VAV3: variants seen among roughly 807,000 people sequenced by gnomAD.
VAV3 encodes guanine nucleotide exchange factor VAV3.
A neutral mutation model predicts 131.2 loss-of-function variants in VAV3; 94 were observed. That is an observed-to-expected ratio of 0.72 (90% confidence interval 0.61 to 0.85). The LOEUF is 0.85. Ranked by LOEUF, VAV3 falls within the 40% of genes least tolerant of loss-of-function variation. VAV3 has a pLI of 0.00. For synonymous variants in VAV3, 349 were observed against 342.0 expected, an observed-to-expected ratio of 1.02 and a Z score of -0.22; for missense variants, 939 against 1,002.7, an observed-to-expected ratio of 0.94 and a Z score of 0.86.
intron 1 of VAV3, among the ~76,000 whole-genome samples, chr1:107,940,994 T>A (rs1223334873): frequency 3.8e-5 from 1 of 26,046 alleles, no homozygotes; most frequent in African/African-American, 6.5e-5. Context: ...TTAGCACAAT[T>A]GAAAAAAAAA....
intron 19 of VAV3, among the ~76,000 whole-genome samples, chr1:107,645,865 C>A (rs1311082957): frequency 2.0e-5 from 3 of 151,922 alleles, no homozygotes; most frequent in Non-Finnish European, 4.4e-5. Flanking sequence ...AGGTTTTTAA[C>A]CTCTGTTTAA....
In VAV3 at chr1:107,576,526, C is replaced by CA. The variant is rs941132680; in HGVS notation, c.2351-2329dup. 10 of 1,405,842 alleles carry CA rather than the reference C, an allele frequency of 7.1e-6. No individual in the cohort carries two copies. In the Admixed American group the frequency reaches 2.8e-4, roughly 39 times the overall value. The allele number at this position is 1,405,842 out of a possible 1,614,324, so 87.1% of individuals were successfully genotyped here. ...AAGCAAAAGAGCATTTAGGTATTGG[C>CA]AAAAATATCTCAACACAACCATTTT... On this transcript the variant is annotated intron_variant, in intron 25 of 26. Transcript: ENST00000370056.
chr1:107,768,328 C>A (rs951530497), intron 7 of VAV3, 113 bp downstream of exon 7: 15 of 721,310 alleles, frequency 2.1e-5, no homozygotes, highest in Non-Finnish European at 3.0e-5. Flanking sequence ...ATAAATAAGG[C>A]CAATATTCTT....
intron 1 of VAV3, among the ~76,000 whole-genome samples, chr1:107,917,781 T>C (rs1672692774): frequency 6.6e-6 from 1 of 152,116 alleles, no homozygotes; most frequent in Admixed American, 6.5e-5. Flanking sequence ...AATTTTGGAA[T>C]ACTTTCAAAT....
intron 11 of VAV3, 72 bp downstream of exon 11, chr1:107,757,183 GTGTGTA>G: frequency 1.1e-6 from 1 of 876,360 alleles, no homozygotes; most frequent in South Asian, 1.5e-5. Flanking sequence ...GTGTGTGTGT[GTGTGTA>G]TGCAATTTGA....
chr1:107,910,396 C>T (rs1164245901), intron 1 of VAV3, among the ~76,000 whole-genome samples: 3 of 152,158 alleles, frequency 2.0e-5, no homozygotes, highest in South Asian at 2.1e-4. Flanking sequence ...AGCTTTCAGA[C>T]GATTCTTCAG....
chr1:107,679,703 A>C (rs1174997519), intron 19 of VAV3, among the ~76,000 whole-genome samples: 1 of 152,168 alleles, frequency 6.6e-6, no homozygotes, highest in Non-Finnish European at 1.5e-5. Flanking sequence ...GGTAACTTTG[A>C]CCTTGAGTGC....
chr1:107,842,779 A>G (rs1668783932), intron 2 of VAV3, among the ~76,000 whole-genome samples: 1 of 152,114 alleles, frequency 6.6e-6, no homozygotes, highest in African/African-American at 2.4e-5. Context: ...GAGGGGGCAC[A>G]GACTTAGGCA....
At chr1:107,584,611 A>T (rs1303847229) in intron 25 of VAV3, among the ~76,000 whole-genome samples, 3 of 152,196 alleles carry the variant, frequency 2.0e-5, no homozygotes, top group Non-Finnish European at 4.4e-5. Flanking sequence ...AAAAACTAGG[A>T]ATAATTTAGA....
chr1:107,834,331 T>C lies in VAV3; in HGVS notation c.321+40570A>G, dbSNP rs56202739. On this transcript the variant is annotated intron_variant, in intron 2 of 26. Coordinates refer to ENST00000370056, the MANE Select transcript of VAV3 (RefSeq NM_006113.5). ...TTGTCAAGTCATAAATTAGCCCCCT[T>C]CAGGATTAGCTCTCATAACTCTTAA... Among the ~76,000 whole-genome samples the C allele has an allele frequency of 2.0e-3, 312 of 152,196 alleles. 2 individuals are homozygous for C. Among genetic ancestry groups the C allele is most frequent in the Non-Finnish European group, 3.5e-3 (236 of 67,994 alleles).
At chr1:107,642,111 G>T (rs1005260967) in intron 20 of VAV3, among the ~76,000 whole-genome samples, 3 of 152,040 alleles carry the variant, frequency 2.0e-5, no homozygotes, top group Admixed American at 6.6e-5. Flanking sequence ...ATCTTAAATG[G>T]GAGCTGGGCA....
chr1:107,576,439 G>A, intron 25 of VAV3: 3 of 1,523,600 alleles, frequency 2.0e-6, no homozygotes, highest in Non-Finnish European at 1.8e-6. Flanking sequence ...GTAGTCTGGA[G>A]GAGTTACAAA....
intron 15 of VAV3, among the ~76,000 whole-genome samples, chr1:107,744,573 C>T (rs1287871417): frequency 6.6e-6 from 1 of 152,082 alleles, no homozygotes; most frequent in Non-Finnish European, 1.5e-5. Context: ...TTTTCTTTTG[C>T]TAACTTTTCT....
chr1:107,753,376 C>T lies in VAV3; in HGVS notation c.1173+2051G>A, dbSNP rs566134040. On this transcript the variant is annotated intron_variant, in intron 12 of 26. Transcript: ENST00000370056. Reference sequence around the variant, plus strand: ...GTTTTGCAAGATGAAGTTTTGGAGACGGTCACACAACATCATGAATGCACT... The same window carrying T: ...GTTTTGCAAGATGAAGTTTTGGAGATGGTCACACAACATCATGAATGCACT... Among the ~76,000 whole-genome samples the T allele has an allele frequency of 8.6e-4, 130 of 151,320 alleles. 1 individual carries two copies. The highest frequency in any genetic ancestry group is 3.2e-3 in the African/African-American group (130 of 41,264).
chr1:107,723,030 T>C (rs1375547853), intron 15 of VAV3, among the ~76,000 whole-genome samples: 1 of 152,196 alleles, frequency 6.6e-6, no homozygotes, highest in Non-Finnish European at 1.5e-5. Context: ...CCTTTTTGTT[T>C]GGCTCCACTA....
intron 19 of VAV3, among the ~76,000 whole-genome samples, chr1:107,646,502 C>G (rs1211641981): frequency 2.6e-5 from 4 of 152,000 alleles, no homozygotes; most frequent in African/African-American, 9.7e-5. Flanking sequence ...GTTCCTAAAA[C>G]TTTTATATAA....
chr1:107,779,884 T>C (rs1665595449), intron 2 of VAV3, among the ~76,000 whole-genome samples: 1 of 152,160 alleles, frequency 6.6e-6, no homozygotes, highest in Non-Finnish European at 1.5e-5. Context: ...TAAATTAATT[T>C]AAATTTTAAA....
At chr1:107,740,121 T>C (rs1662922208) in intron 15 of VAV3, among the ~76,000 whole-genome samples, 1 of 152,150 alleles carries the variant, frequency 6.6e-6, no homozygotes, top group Admixed American at 6.5e-5. Context: ...ACCCTGTCTC[T>C]ACTAAAAATA....
At chr1:107,746,372 T>C (rs1663344221) in intron 15 of VAV3, among the ~76,000 whole-genome samples, 1 of 152,168 alleles carries the variant, frequency 6.6e-6, no homozygotes, top group African/African-American at 2.4e-5. Flanking sequence ...TGCATAGACA[T>C]TCAACGGAAC....
Sources: allele counts gnomAD v4.1 joint callset (sites outside exome capture counted in the v4.1 genomes callset), GRCh38; gene constraint gnomAD v4.1.1; transcripts MANE v1.5; gene names NCBI Gene and HGNC (gene_info 2026-07-23, HGNC 2026-07-21).